SEMA5A: variants seen among roughly 807,000 people sequenced by gnomAD.
SEMA5A encodes the protein semaphorin 5A.
SEMA5A carries 55 observed loss-of-function variants against 135.5 expected under a neutral mutation model. That is an observed-to-expected ratio of 0.41 (90% CI 0.33 to 0.51). The LOEUF (loss-of-function observed/expected upper bound fraction) is 0.51, where lower values mean the gene tolerates loss of function less well. SEMA5A is among the 20% of genes least tolerant of loss of function. The pLI is 0.37. For synonymous variants in SEMA5A, 580 were observed against 546.5 expected (o/e 1.06, Z -0.85); for missense variants, 1,290 against 1,419.9 (o/e 0.91, Z 1.47).
chr5:9,403,005 C>A (rs1435290429), intron 2 of SEMA5A, among the ~76,000 whole-genome samples: 1 of 152,182 alleles, frequency 6.6e-6, no homozygotes, highest in Admixed American at 6.5e-5. Flanking sequence ...AACAATTCAG[C>A]ACCCTTGACA....
At chr5:9,206,237 T>C (rs1403984129) in intron 8 of SEMA5A, among the ~76,000 whole-genome samples, 3 of 152,146 alleles carry the variant, frequency 2.0e-5, no homozygotes, top group Non-Finnish European at 4.4e-5. Flanking sequence ...AACAGGCACG[T>C]CAGCTGCTGT....
At chr5:9,179,972 C>G (rs936405148) in intron 11 of SEMA5A, among the ~76,000 whole-genome samples, 1 of 152,188 alleles carries the variant, frequency 6.6e-6, no homozygotes, top group African/African-American at 2.4e-5. Flanking sequence ...GCCATACTTT[C>G]TTAAGAATCT....
intron 22 of SEMA5A, 76 bp from the exon 23 acceptor site, chr5:9,043,092 A>G: frequency 7.8e-7 from 1 of 1,285,996 alleles, no homozygotes; most frequent in Non-Finnish European, 1.1e-6. Context: ...AAGGATGACT[A>G]TTATGTTGAA....
At chr5:9,503,527 G>T (rs543964478) in intron 1 of SEMA5A, among the ~76,000 whole-genome samples, 1 of 152,218 alleles carries the variant, frequency 6.6e-6, no homozygotes, top group Non-Finnish European at 1.5e-5. Flanking sequence ...CTACTGAGCA[G>T]ATTCATCCAC....
At chr5:9,493,940 C>T (rs539135753) in intron 1 of SEMA5A, among the ~76,000 whole-genome samples, 2 of 152,228 alleles carry the variant, frequency 1.3e-5, no homozygotes, top group Admixed American at 1.3e-4. Flanking sequence ...TGTAAGGTTA[C>T]CATAACTTTA....
intron 1 of SEMA5A, among the ~76,000 whole-genome samples, chr5:9,534,915 C>T (rs1561330043): frequency 1.3e-5 from 2 of 152,210 alleles, no homozygotes; most frequent in Admixed American, 6.5e-5. Flanking sequence ...ATGGACAGGG[C>T]ACATAACCAC....
chr5:9,203,876 T>G (rs1745861768), intron 8 of SEMA5A, among the ~76,000 whole-genome samples: 1 of 152,120 alleles, frequency 6.6e-6, no homozygotes, highest in Non-Finnish European at 1.5e-5. Flanking sequence ...ATATCTTTAC[T>G]GTGATAGTAT....
chr5:9,219,786 G>A (rs1746829089), intron 8 of SEMA5A, among the ~76,000 whole-genome samples: 1 of 152,140 alleles, frequency 6.6e-6, no homozygotes, highest in Admixed American at 6.5e-5. Flanking sequence ...AACTAATACA[G>A]AGCCCATACC....
At chr5:9,063,483 G>A (rs1463822460) in intron 17 of SEMA5A, among the ~76,000 whole-genome samples, 2 of 152,308 alleles carry the variant, frequency 1.3e-5, no homozygotes, top group East Asian at 3.9e-4. Context: ...GACACAATGG[G>A]TAGAGCCTGC....
intron 1 of SEMA5A, among the ~76,000 whole-genome samples, chr5:9,536,546 G>A (rs962432089): frequency 1.3e-5 from 2 of 151,674 alleles, no homozygotes; most frequent in Non-Finnish European, 2.9e-5. Context: ...CCGGGAGGCA[G>A]AGGTTACAGT....
intron 2 of SEMA5A, among the ~76,000 whole-genome samples, chr5:9,433,488 C>A (rs185464135): frequency 9.7e-4 from 147 of 151,810 alleles, no homozygotes; most frequent in African/African-American, 3.4e-3. Context: ...GCCTTAAAAT[C>A]TGTAAGAAAA....
At chr5:9,309,854 G>A (rs971388424) in intron 5 of SEMA5A, among the ~76,000 whole-genome samples, 9 of 31,648 alleles carry the variant, frequency 2.8e-4, no homozygotes, top group South Asian at 1.5e-3. Context: ...TGAATAAATC[G>A]GTATATAAAA....
At chr5:9,135,179 C>CTTTTTTT (rs11297927) in intron 13 of SEMA5A, among the ~76,000 whole-genome samples, 1 of 123,538 alleles carries the variant, frequency 8.1e-6, no homozygotes. Context: ...TTCCGACTTT[C>CTTTTTTT]TTTTTTTTTT....
intron 3 of SEMA5A, among the ~76,000 whole-genome samples, chr5:9,360,054 A>G (rs1248208298): frequency 6.6e-6 from 1 of 152,240 alleles, no homozygotes; most frequent in Non-Finnish European, 1.5e-5. Context: ...AAGAATTTCA[A>G]CTGTGACATT....
chr5:9,366,718 G>A (rs898596742), intron 3 of SEMA5A, among the ~76,000 whole-genome samples: 10 of 152,186 alleles, frequency 6.6e-5, no homozygotes, highest in Non-Finnish European at 1.3e-4. Context: ...GTTGTTGTTT[G>A]AGGATGAAGA....
intron 5 of SEMA5A, among the ~76,000 whole-genome samples, chr5:9,243,577 T>G (rs1748324018): frequency 6.6e-6 from 1 of 152,186 alleles, no homozygotes; most frequent in East Asian, 1.9e-4. Flanking sequence ...GGTCATTGCT[T>G]TGCCACAAAT....
chr5:9,147,561 C>T (rs904119929), intron 12 of SEMA5A, among the ~76,000 whole-genome samples: 36 of 152,218 alleles, frequency 2.4e-4, no homozygotes, highest in African/African-American at 7.7e-4. Flanking sequence ...TGAGCCACCA[C>T]GTCCTGCCCA....
In SEMA5A at chr5:9,088,275, G is replaced by A. The variant is rs1278594175; in HGVS notation, c.2073+19865C>T. The stretch of plus-strand genomic sequence containing the variant: ...GCTGAGATCATACCACTGCACTCCA[G>A]CCTGGCAACAGAGTGAGACTCCATC... On this transcript the variant is annotated intron_variant, in intron 16 of 22. Transcript: ENST00000382496. Among the ~76,000 whole-genome samples the A allele has an allele frequency of 5.5e-5, 8 of 145,168 alleles. No individual in the cohort carries two copies. In the East Asian group the frequency reaches 1.6e-3, roughly 30 times the overall value.
chr5:9,302,793 C>A (rs1751674472), intron 5 of SEMA5A, among the ~76,000 whole-genome samples: 2 of 152,088 alleles, frequency 1.3e-5, no homozygotes, highest in South Asian at 4.2e-4. Context: ...ATGTGTTTTC[C>A]CTGACTCATC....
Sources: gnomAD v4.1 joint callset for allele counts (sites outside exome capture counted in the v4.1 genomes callset) on GRCh38, gnomAD v4.1.1 for gene constraint, MANE v1.5 for transcripts, NCBI Gene and HGNC (gene_info 2026-07-23, HGNC 2026-07-21) for gene names.